Variants in ASIC2 observed in about 807,000 individuals in gnomAD.
The protein encoded by ASIC2 is acid sensing ion channel subunit 2.
A neutral mutation model predicts 57.3 loss-of-function variants in ASIC2; 25 were observed. The observed-to-expected ratio is 0.44, with a 90% confidence interval of 0.32 to 0.61. The LOEUF is 0.61. Ranked by LOEUF, ASIC2 falls within the 20% of genes least tolerant of loss-of-function variation. The probability of loss-of-function intolerance (pLI) is 0.06; values close to 1 mark genes in which losing one functional copy is unlikely to be tolerated. For missense variants in ASIC2, 641 were observed against 738.1 expected (o/e 0.87, Z 1.52); for synonymous variants, 319 against 307.5 (o/e 1.04, Z -0.39).
chr17:33,492,794 G>T (rs1913802140), intron 1 of ASIC2, among the ~76,000 whole-genome samples: 2 of 152,148 alleles, frequency 1.3e-5, no homozygotes, highest in African/African-American at 4.8e-5. Flanking sequence ...CTTTGCCTCT[G>T]TTCTCAGCTC....
intron 1 of ASIC2, chr17:33,680,949 T>C (rs1338780646): frequency 6.6e-6 from 1 of 152,250 alleles, no homozygotes; most frequent in Non-Finnish European, 1.5e-5. Context: ...CAAAACTGGA[T>C]TGGCCCCTGC....
intron 1 of ASIC2, among the ~76,000 whole-genome samples, chr17:34,152,989 TG>T: frequency 6.6e-6 from 1 of 152,334 alleles, no homozygotes; most frequent in Admixed American, 6.5e-5. Context: ...TGTACTTGCA[TG>T]AGCATGAAGC....
chr17:33,037,205 A>AT (rs2091912625), intron 3 of ASIC2, among the ~76,000 whole-genome samples: 1 of 149,606 alleles, frequency 6.7e-6, no homozygotes, highest in Non-Finnish European at 1.5e-5. Context: ...CACAATCTGG[A>AT]TTTTGGAAGG....
At chr17:33,824,377 T>C (rs1912842752) in intron 1 of ASIC2, among the ~76,000 whole-genome samples, 1 of 152,070 alleles carries the variant, frequency 6.6e-6, no homozygotes, top group Non-Finnish European at 1.5e-5. Flanking sequence ...CAGGTGTCTG[T>C]GTATATATGT....
At chr17:34,050,454 C>A (rs1259340437) in intron 1 of ASIC2, among the ~76,000 whole-genome samples, 1 of 152,106 alleles carries the variant, frequency 6.6e-6, no homozygotes, top group African/African-American at 2.4e-5. Context: ...CCTGGCTGCA[C>A]AAGATTCTTG....
At chr17:33,579,368 T>G (rs1264455019) in intron 1 of ASIC2, among the ~76,000 whole-genome samples, 2 of 151,790 alleles carry the variant, frequency 1.3e-5, no homozygotes, top group African/African-American at 2.4e-5. Context: ...TTGGTATGTT[T>G]ACAAACCTCT....
intron 3 of ASIC2, among the ~76,000 whole-genome samples, chr17:33,048,511 G>A (rs959127071): frequency 2.6e-5 from 4 of 152,184 alleles, no homozygotes; most frequent in African/African-American, 9.7e-5. Flanking sequence ...ATCCAGGTAA[G>A]GGGCTTAATT....
intron 1 of ASIC2, among the ~76,000 whole-genome samples, chr17:33,981,699 G>T (rs1308253251): frequency 1.3e-5 from 2 of 149,994 alleles, no homozygotes; most frequent in South Asian, 4.3e-4. Context: ...AAGAAGGGAG[G>T]GGGGGAAGAT....
At chr17:33,666,111 C>T (rs1311038155) in intron 1 of ASIC2, among the ~76,000 whole-genome samples, 1 of 152,118 alleles carries the variant, frequency 6.6e-6, no homozygotes, top group Admixed American at 6.5e-5. Context: ...TGCCCATTTT[C>T]CCCCCACATA....
intron 1 of ASIC2, among the ~76,000 whole-genome samples, chr17:33,244,363 G>A (rs568690605): frequency 2.0e-5 from 3 of 152,312 alleles, no homozygotes; most frequent in East Asian, 3.9e-4. Context: ...AGGCCTCTAG[G>A]AAGTGCGTGA....
chr17:33,858,996 G>A (rs1050640399), intron 1 of ASIC2, among the ~76,000 whole-genome samples: 4 of 152,182 alleles, frequency 2.6e-5, no homozygotes, highest in Admixed American at 6.5e-5. Context: ...AACAGAAACT[G>A]CCATTGAAAA....
intron 1 of ASIC2, among the ~76,000 whole-genome samples, chr17:33,626,532 G>C (rs887083129): frequency 6.6e-6 from 1 of 152,072 alleles, no homozygotes; most frequent in Non-Finnish European, 1.5e-5. Context: ...GCTCTTCTGT[G>C]TACCACCTGA....
intron 1 of ASIC2, among the ~76,000 whole-genome samples, chr17:33,257,747 T>C (rs535942972): frequency 1.2e-4 from 19 of 152,274 alleles, no homozygotes; most frequent in African/African-American, 4.3e-4. Context: ...AGAACACAGG[T>C]ACAACAGCAA....
Position 33,115,978 on chromosome 17 carries a change from A to T in ASIC2, c.709-3911T>A, listed in dbSNP as rs189733563. 8.5e-5 allele frequency among the ~76,000 whole-genome samples: 13 copies of T among 152,222 alleles called. No homozygotes were observed. In the East Asian group the frequency reaches 2.3e-3, roughly 27 times the overall value. ...TGGAGCTCATGCTGACATCTTGCCCAGCTCCCCTTCCCTCCCATTCTCTGC... is the reference window on the plus strand; with the variant it reads ...TGGAGCTCATGCTGACATCTTGCCCTGCTCCCCTTCCCTCCCATTCTCTGC... On this transcript the variant is annotated intron_variant, in intron 1 of 9. Coordinates refer to ENST00000225823, the MANE Select transcript of ASIC2 (RefSeq NM_183377.2).
chr17:33,473,936 G>A (rs1913135040), intron 1 of ASIC2, among the ~76,000 whole-genome samples: 1 of 151,994 alleles, frequency 6.6e-6, no homozygotes, highest in Admixed American at 6.6e-5. Flanking sequence ...CGTCAATTAT[G>A]TTTTGGTCAG....
At chr17:33,715,844 A>G (rs1213861985) in intron 1 of ASIC2, among the ~76,000 whole-genome samples, 2 of 152,150 alleles carry the variant, frequency 1.3e-5, no homozygotes, top group East Asian at 3.9e-4. Context: ...GCCAAACCAC[A>G]TTGATAAAAT....
chr17:33,970,056 C>A (rs913361376), intron 1 of ASIC2, among the ~76,000 whole-genome samples: 3 of 152,170 alleles, frequency 2.0e-5, no homozygotes, highest in African/African-American at 7.2e-5. Flanking sequence ...CTCGGCAGTT[C>A]TGAGGCTAGC....
At chr17:33,972,165 T>C (rs1905244240) in intron 1 of ASIC2, among the ~76,000 whole-genome samples, 1 of 152,216 alleles carries the variant, frequency 6.6e-6, no homozygotes, top group African/African-American at 2.4e-5. Context: ...GTCATCAACA[T>C]TATACACCTT....
At chr17:33,731,490 T>C (rs1013435543) in intron 1 of ASIC2, among the ~76,000 whole-genome samples, 6 of 152,140 alleles carry the variant, frequency 3.9e-5, no homozygotes, top group South Asian at 2.1e-4. Context: ...CTAAGGTCCA[T>C]AAAGAAATCT....
Sources: allele counts gnomAD v4.1 joint callset (sites outside exome capture counted in the v4.1 genomes callset), GRCh38; gene constraint gnomAD v4.1.1; transcripts MANE v1.5; gene names NCBI Gene and HGNC (gene_info 2026-07-23, HGNC 2026-07-21).